Variants in CDH4 observed in about 807,000 individuals in gnomAD.
The protein encoded by CDH4 is cadherin-4.
Under a neutral mutation model 86.0 loss-of-function variants are expected in CDH4, and 33 were observed. That is an observed-to-expected ratio of 0.38 (90% confidence interval 0.29 to 0.51). The LOEUF is 0.51. CDH4 is among the 20% of genes least tolerant of loss of function. CDH4 has a pLI of 0.86. For missense variants in CDH4, 1,114 were observed against 1,307.4 expected, an observed-to-expected ratio of 0.85 and a Z score of 2.28; for synonymous variants, 555 against 549.4, an observed-to-expected ratio of 1.01 and a Z score of -0.14.
intron 2 of CDH4, among the ~76,000 whole-genome samples, chr20:61,677,656 G>T (rs1460306185): frequency 6.7e-6 from 1 of 149,766 alleles, no homozygotes. Context: ...TGGGTAGGTA[G>T]GTGGGTGGGT....
intron 4 of CDH4, among the ~76,000 whole-genome samples, chr20:61,795,263 T>G (rs1452499910): frequency 6.7e-6 from 1 of 148,602 alleles, no homozygotes; most frequent in Non-Finnish European, 1.5e-5. Context: ...ATCCTAAGTT[T>G]AGTCCTCATA....
intron 2 of CDH4, among the ~76,000 whole-genome samples, chr20:61,618,095 AT>A (rs2086740240): frequency 6.6e-6 from 1 of 152,018 alleles, no homozygotes; most frequent in African/African-American, 2.4e-5. Context: ...CTTTTTCTTT[AT>A]AAATTACCCA....
intron 4 of CDH4, among the ~76,000 whole-genome samples, chr20:61,825,992 T>C (rs563169925): frequency 8.8e-4 from 134 of 152,330 alleles, no homozygotes; most frequent in African/African-American, 3.1e-3. Context: ...CCTCTCCCAC[T>C]GCCACAGCGT....
chr20:61,714,454 A>G (rs2087930370), intron 2 of CDH4, among the ~76,000 whole-genome samples: 2 of 726 alleles, frequency 2.8e-3, no homozygotes, highest in Non-Finnish European at 4.4e-3. Flanking sequence ...CCTTAGGGAT[A>G]CAAGTGTTTT....
At chr20:61,753,256 A>C (rs2088520875) in intron 3 of CDH4, among the ~76,000 whole-genome samples, 1 of 151,996 alleles carries the variant, frequency 6.6e-6, no homozygotes, top group South Asian at 2.1e-4. Context: ...TGGTTCTGTA[A>C]ATTTCATTTC....
chr20:61,332,693 C>T (rs1208601628), intron 2 of CDH4, among the ~76,000 whole-genome samples: 2 of 152,218 alleles, frequency 1.3e-5, no homozygotes, highest in Non-Finnish European at 2.9e-5. Flanking sequence ...CTGCCCTCCT[C>T]CCTGGGGGTG....
intron 8 of CDH4, among the ~76,000 whole-genome samples, chr20:61,909,562 C>T (rs180781427): frequency 3.7e-4 from 56 of 152,292 alleles, no homozygotes; most frequent in African/African-American, 1.2e-3. Context: ...CTGCCTCTTC[C>T]GGGTTCTGCT....
chr20:61,836,483 G>A (rs1981885359), intron 4 of CDH4, among the ~76,000 whole-genome samples: 1 of 152,196 alleles, frequency 6.6e-6, no homozygotes, highest in Admixed American at 6.5e-5. Context: ...CTGTATGATG[G>A]TGTCAATGTT....
chr20:61,478,485 CAG>C (rs1349298176), intron 2 of CDH4, among the ~76,000 whole-genome samples: 1 of 152,202 alleles, frequency 6.6e-6, no homozygotes, highest in African/African-American at 2.4e-5. Flanking sequence ...TGTCTTCCAA[CAG>C]AGAACACATG....
intron 2 of CDH4, among the ~76,000 whole-genome samples, chr20:61,368,724 C>T (rs541704046): frequency 6.6e-6 from 1 of 152,036 alleles, no homozygotes; most frequent in East Asian, 1.9e-4. Context: ...ACCATGTTGC[C>T]CAGGCTGGTC....
chr20:61,665,899 G>A (rs2087318142), intron 2 of CDH4, among the ~76,000 whole-genome samples: 2 of 152,184 alleles, frequency 1.3e-5, no homozygotes, highest in African/African-American at 4.8e-5. Context: ...CAGGAAAATC[G>A]CAGCGGTGGG....
intron 3 of CDH4, among the ~76,000 whole-genome samples, chr20:61,759,608 A>G (rs553859022): frequency 1.3e-5 from 2 of 151,978 alleles, no homozygotes; most frequent in Admixed American, 1.3e-4. Flanking sequence ...ACCACTAATG[A>G]CTCTGGGAAA....
intron 2 of CDH4, among the ~76,000 whole-genome samples, chr20:61,630,328 G>A (rs371759838): frequency 3.9e-5 from 6 of 152,204 alleles, no homozygotes; most frequent in African/African-American, 7.2e-5. Flanking sequence ...CTGCCTGGGC[G>A]CCCGCTCACA....
At chr20:61,632,467 G>A (rs2427206) in intron 2 of CDH4, among the ~76,000 whole-genome samples, 92,704 of 151,448 alleles carry the variant, frequency 0.61, 28,699 homozygotes, top group East Asian at 0.72. Flanking sequence ...TGGAAGCATC[G>A]TTAACGCCGG....
chr20:61,805,631 C>T (rs16985610), intron 4 of CDH4, among the ~76,000 whole-genome samples: 10,895 of 152,288 alleles, frequency 0.072, 465 homozygotes, highest in South Asian at 0.16. Context: ...GGGGAGCATT[C>T]GACTGCCTGA....
chr20:61,738,526 AG>A (rs1206864068), intron 2 of CDH4: 1 of 152,180 alleles, frequency 6.6e-6, no homozygotes, highest in African/African-American at 2.4e-5. Context: ...GCTTCCCTGC[AG>A]AACCCCTGCA....
At chr20:61,336,694 A>T (rs1226237487) in intron 2 of CDH4, among the ~76,000 whole-genome samples, 1 of 152,166 alleles carries the variant, frequency 6.6e-6, no homozygotes, top group African/African-American at 2.4e-5. Context: ...GAGATTGTCA[A>T]TGTAGATTCT....
chr20:61,300,472 C>T (rs1286056289), intron 2 of CDH4, among the ~76,000 whole-genome samples: 1 of 152,136 alleles, frequency 6.6e-6, no homozygotes, highest in African/African-American at 2.4e-5. Flanking sequence ...GAGGACAGTG[C>T]CAGCTCTCCC....
At chr20:61,532,547 G>A (rs1478075813) in intron 2 of CDH4, among the ~76,000 whole-genome samples, 4 of 152,294 alleles carry the variant, frequency 2.6e-5, no homozygotes, top group African/African-American at 7.2e-5. Context: ...AGAAAACGAT[G>A]AGTAAGTGGA....
Sources: allele counts gnomAD v4.1 joint callset (sites outside exome capture counted in the v4.1 genomes callset), GRCh38; gene constraint gnomAD v4.1.1; transcripts MANE v1.5; gene names NCBI Gene and HGNC (gene_info 2026-07-23, HGNC 2026-07-21).